Variants in PXN observed in about 807,000 individuals in gnomAD.
PXN encodes paxillin.
In PXN, 61 loss-of-function variants were observed where a neutral mutation model predicts 103.6. The ratio of observed to expected loss-of-function variants is 0.59; its 90% CI spans 0.48 to 0.73. The LOEUF (loss-of-function observed/expected upper bound fraction) is 0.73. PXN is among the 30% of genes least tolerant of loss of function. The probability of loss-of-function intolerance (pLI) is 0.00; values close to 1 mark genes in which losing one functional copy is unlikely to be tolerated. For synonymous variants in PXN, 562 were observed against 607.8 expected (o/e 0.92, Z 1.11); for missense variants, 1,274 against 1,460.3 (o/e 0.87, Z 2.08).
intron 1 of PXN, chr12:120,226,005 AGCCCGCCCC>A: frequency 9.5e-7 from 1 of 1,057,764 alleles, no homozygotes; most frequent in Non-Finnish European, 1.2e-6. Context: ...CAGGTCCTAC[AGCCCGCCCC>A]GCCCTCCGGG....
At chr12:120,258,985 C>T (rs953998836) in intron 1 of PXN, among the ~76,000 whole-genome samples, 8 of 152,118 alleles carry the variant, frequency 5.3e-5, no homozygotes, top group African/African-American at 1.9e-4. Flanking sequence ...AGCAGAATCG[C>T]TTGAACCCAG....
intron 1 of PXN, among the ~76,000 whole-genome samples, chr12:120,235,206 C>T (rs1398820392): frequency 6.6e-6 from 1 of 152,164 alleles, no homozygotes. Context: ...ACTGCCCAAG[C>T]TCCATGGTAG....
intron 1 of PXN, among the ~76,000 whole-genome samples, chr12:120,233,269 C>T (rs1466997929): frequency 2.6e-5 from 4 of 152,178 alleles, no homozygotes; most frequent in African/African-American, 7.2e-5. Flanking sequence ...GCAAGAACAT[C>T]CTCCTGCTCC....
At position 120,215,118 on chromosome 12, in the gene PXN, C is replaced by T. The variant is rs1882261376; in HGVS notation, c.2559G>A (p.Lys853=). The T allele has an allele frequency of 1.3e-6, 2 of 1,576,692 alleles. No individual in the cohort carries two copies. Among genetic ancestry groups the T allele is most frequent in the African/African-American group, 2.7e-5 (2 of 74,324 alleles). The change falls in exon 11 of 15, where the codon AAG becomes AAA. Residue 853 remains lysine, a synonymous_variant. Transcript: ENST00000637617. This position sits in a 1 kb window ranked among gnomAD's most constrained non-coding sequence, Gnocchi z 4.9. ...CCCTCATCACCTGCCCGGCGATGGGCTTCTTGCAGGCCCCGCAGACTCCTT... is the reference window on the plus strand; with the variant it reads ...CCCTCATCACCTGCCCGGCGATGGGTTTCTTGCAGGCCCCGCAGACTCCTT... The part of the protein sequence containing the change: ...VAKGVCGACK[K]PIAGQVVTAM...
chr12:120,240,656 C>T (rs907192256), intron 1 of PXN, among the ~76,000 whole-genome samples: 2 of 152,170 alleles, frequency 1.3e-5, no homozygotes, highest in African/African-American at 4.8e-5. Flanking sequence ...CACTGCTGAT[C>T]CTCCCAGGAG....
chr12:120,218,851 G>A (rs1443784364), intron 7 of PXN, among the ~76,000 whole-genome samples: 1 of 152,244 alleles, frequency 6.6e-6, no homozygotes, highest in Non-Finnish European at 1.5e-5. Context: ...TGAGGCTGAG[G>A]GAGGGGGTTG....
chr12:120,221,502 G>C lies in PXN; in HGVS notation c.831+121C>G. ...AGGCCAGGGCATGACAGTGTCCCTG[G>C]CTCAGGGGCAAGGCACCCAAACACT... is the stretch of plus-strand genomic sequence containing the variant. On this transcript the variant is annotated intron_variant, in intron 6 of 14. Coordinates refer to ENST00000637617, the MANE Select transcript of PXN (RefSeq NM_001385981.1). The surrounding 1 kb of genome is among the most constrained non-coding windows in gnomAD (Gnocchi z 6.6). The C allele has an allele frequency of 3.4e-6, 4 of 1,175,438 alleles. No individual in the cohort carries two copies. The highest frequency in any genetic ancestry group is 4.7e-6 in the Non-Finnish European group (4 of 842,348). The allele number at this position is 1,175,438 out of a possible 1,614,324, so 72.8% of individuals were successfully genotyped here.
chr12:120,215,622 A>T lies in PXN; in HGVS notation c.2341T>A (p.Trp781Arg). Reference sequence around the variant, plus strand: ...CCGTCCCGAGGCCAGCCGGCCGCCCAGCACCGCTCCCCATCCGCTCTTTGC... The same window carrying T: ...CCGTCCCGAGGCCAGCCGGCCGCCCTGCACCGCTCCCCATCCGCTCTTTGC... ...LEQRADGERC[W>R]AAGWPRDGGR... Residue 781 changes from tryptophan (W) to arginine (R), a missense_variant, in exon 10 of 15, where the codon TGG becomes AGG. Physicochemically the swap from Trp to Arg is moderately radical, Grantham distance 101. Around this residue, in one of 2 missense-constraint regions of PXN, gnomAD observed 1,178 missense variants for 1,309.0 expected, o/e 0.90. Transcript: ENST00000637617. This position sits in a 1 kb window ranked among gnomAD's most constrained non-coding sequence, Gnocchi z 4.9. 6.2e-7 allele frequency: 1 copy of T among 1,612,166 alleles called. No homozygotes were observed. Among genetic ancestry groups the T allele is most frequent in the Non-Finnish European group, 8.5e-7 (1 of 1,179,312 alleles).
rs35119780 is a variant in PXN, at chr12:120,215,600, T to TC, written c.2362dup (p.Asp788GlyfsTer47). On this transcript the variant is annotated frameshift_variant, in exon 10 of 15. Coordinates refer to ENST00000637617, the MANE Select transcript of PXN (RefSeq NM_001385981.1). LOFTEE classifies it high-confidence loss of function. This position sits in a 1 kb window ranked among gnomAD's most constrained non-coding sequence, Gnocchi z 4.9. Reference sequence around the variant, plus strand: ...CCCTCCGGGGCTGCTCCGCCCGCCGTCCCGAGGCCAGCCGGCCGCCCAGCA... The same window carrying TC: ...CCCTCCGGGGCTGCTCCGCCCGCCGTCCCCGAGGCCAGCCGGCCGCCCAGCA... The TC allele has an allele frequency of 6.2e-7, 1 of 1,609,974 alleles. No homozygotes were observed. Among genetic ancestry groups the TC allele is most frequent in the Admixed American group, 1.7e-5 (1 of 59,668 alleles).
chr12:120,214,743 C>T lies in PXN; in HGVS notation c.2748+82G>A. On this transcript the variant is annotated intron_variant, in intron 12 of 14. Coordinates refer to ENST00000637617, the MANE Select transcript of PXN (RefSeq NM_001385981.1). The surrounding 1 kb of genome is among the most constrained non-coding windows in gnomAD (Gnocchi z 5.0). ...GGGCATGTGACCTCTCTGAGCCTCC[C>T]ACGGCACCCCCTGCATCCTCAGAGG... 1.3e-6 allele frequency: 2 copies of T among 1,557,078 alleles called. No individual in the cohort carries two copies. Among genetic ancestry groups the T allele is most frequent in the Non-Finnish European group, 1.8e-6 (2 of 1,142,646 alleles).
In PXN at chr12:120,221,580, G is replaced by C. The variant is rs778876671; in HGVS notation, c.831+43C>G. On this transcript the variant is annotated intron_variant, in intron 6 of 14. Transcript: ENST00000637617. This position sits in a 1 kb window ranked among gnomAD's most constrained non-coding sequence, Gnocchi z 6.6. ...TGAGGTAAGGGAGGAGAAGGATGAG[G>C]GAGGGGCGGCAGGGCAGGGAAGATG... 1.3e-6 allele frequency: 2 copies of C among 1,534,326 alleles called. No homozygotes were observed. Among genetic ancestry groups the C allele is most frequent in the Non-Finnish European group, 1.8e-6 (2 of 1,136,384 alleles).
Position 120,221,753 on chromosome 12 carries a change from G to A in PXN, c.701C>T (p.Ala234Val). ...LESSVPSPVP[A>V]ITVNQGEMSS... ...CATCTCGCCCTGGTTCACAGTGATG[G>A]CAGGGCTGCAGGGTGGGCACAGCAT... The change falls in exon 6 of 15, where the codon GCC (alanine) becomes GTC (valine). Residue 234 changes from alanine (A) to valine (V), a missense_variant. This residue lies in a region of PXN where 1,178 missense variants were observed against 1,309.0 expected (regional missense o/e 0.90). Transcript: ENST00000637617. This position sits in a 1 kb window ranked among gnomAD's most constrained non-coding sequence, Gnocchi z 6.6. 6.4e-7 allele frequency: 1 copy of A among 1,566,374 alleles called. No individual in the cohort carries two copies.
chr12:120,252,414 G>A (rs1042386633), intron 1 of PXN, among the ~76,000 whole-genome samples: 1 of 151,948 alleles, frequency 6.6e-6, no homozygotes, highest in African/African-American at 2.4e-5. Flanking sequence ...GTTTTATCGG[G>A]GAAAAAAGCC....
chr12:120,260,341 C>T (rs1416796810), intron 1 of PXN, among the ~76,000 whole-genome samples: 2 of 152,070 alleles, frequency 1.3e-5, no homozygotes, highest in Non-Finnish European at 2.9e-5. Flanking sequence ...GAAACTCCGT[C>T]TCTACTAAAA....
chr12:120,223,661 A>C, intron 3 of PXN, 57 bp downstream of exon 3: 4 of 1,340,016 alleles, frequency 3.0e-6, no homozygotes, highest in Non-Finnish European at 4.1e-6. Flanking sequence ...CACCCTGGCC[A>C]GGTCCCTGAG....
chr12:120,261,991 G>C (rs1430557894), intron 1 of PXN, among the ~76,000 whole-genome samples: 1 of 152,180 alleles, frequency 6.6e-6, no homozygotes. Flanking sequence ...CACCAGGAGG[G>C]CACTATCGCT....
Position 120,212,218 on chromosome 12 carries a change from C to T in PXN, c.*96G>A, listed in dbSNP as rs555376512. On this transcript the variant is annotated 3_prime_UTR_variant, in exon 15 of 15. Coordinates refer to ENST00000637617, the MANE Select transcript of PXN (RefSeq NM_001385981.1). This position sits in a 1 kb window ranked among gnomAD's most constrained non-coding sequence, Gnocchi z 7.2. ...GGAGGACAAGGGTTCCAGTTTCAGT[C>T]GGGTTTACCCCTTCACCCCCGGGTG... The T allele has an allele frequency of 2.7e-5, 40 of 1,490,712 alleles. No individual in the cohort carries two copies. The highest frequency in any genetic ancestry group is 8.1e-5 in the Admixed American group (4 of 49,560). 92.3% of individuals were successfully genotyped at this position (1,490,712 alleles called of 1,614,324 possible).
chr12:120,253,976 G>A (rs1892607431), intron 1 of PXN, among the ~76,000 whole-genome samples: 1 of 152,146 alleles, frequency 6.6e-6, no homozygotes, highest in Non-Finnish European at 1.5e-5. Flanking sequence ...CACCTCTTGG[G>A]TTCAGGCGAT....
At chr12:120,236,295 G>A (rs1566413415) in intron 1 of PXN, among the ~76,000 whole-genome samples, 1 of 152,126 alleles carries the variant, frequency 6.6e-6, no homozygotes, top group Admixed American at 6.6e-5. Context: ...TCATCATAAG[G>A]TATGGACATC....
Sources: allele counts gnomAD v4.1 joint callset (sites outside exome capture counted in the v4.1 genomes callset), GRCh38; gene constraint gnomAD v4.1.1; regional missense constraint gnomAD v4.1.1; non-coding constraint Gnocchi (gnomAD v3.1); transcripts MANE v1.5; gene names NCBI Gene and HGNC (gene_info 2026-07-23, HGNC 2026-07-21).